ANAPC16: variants seen among roughly 807,000 people sequenced by gnomAD.
The protein encoded by ANAPC16 is anaphase-promoting complex subunit 16.
In ANAPC16, 6 loss-of-function variants were observed where a neutral mutation model predicts 13.1. The observed-to-expected ratio is 0.46, with a 90% CI of 0.25 to 0.90. The LOEUF is 0.90. Among genes scored for constraint, ANAPC16 ranks in the 40% least tolerant of loss-of-function variants. The pLI is 0.18. For missense variants in ANAPC16, 113 were observed against 131.1 expected, an observed-to-expected ratio of 0.86 and a Z score of 0.67; for synonymous variants, 55 against 51.3, an observed-to-expected ratio of 1.07 and a Z score of -0.31.
At chr10:72,223,082 ATTTTTTTTTTT>A (rs67344471) in intron 1 of ANAPC16, 13 of 86,382 alleles carry the variant, frequency 1.5e-4, no homozygotes, top group African/African-American at 5.8e-4. Context: ...GAAAAGGTTA[ATTTTTTTTTTT>A]TTTTTTTTTT....
intron 3 of ANAPC16, among the ~76,000 whole-genome samples, chr10:72,232,541 TCCCCACCCCCA>T (rs1353603531): frequency 1.5e-5 from 2 of 133,770 alleles, no homozygotes; most frequent in Non-Finnish European, 3.2e-5. Flanking sequence ...AAGACTCCAT[TCCCCACCCCCA>T]CCCCACCCCC....
chr10:72,229,929 TC>T (rs879686847), intron 2 of ANAPC16, among the ~76,000 whole-genome samples: 1 of 152,242 alleles, frequency 6.6e-6, no homozygotes, highest in Non-Finnish European at 1.5e-5. Context: ...AACAATTTTT[TC>T]CTCAGCTTTG....
At chr10:72,224,694 C>A (rs1046469326) in intron 2 of ANAPC16, among the ~76,000 whole-genome samples, 1 of 151,420 alleles carries the variant, frequency 6.6e-6, no homozygotes, top group African/African-American at 2.4e-5. Flanking sequence ...ATCCTGGCAC[C>A]TGTCTACCTC....
chr10:72,226,854 GA>G (rs759597474), intron 2 of ANAPC16, among the ~76,000 whole-genome samples: 6 of 152,206 alleles, frequency 3.9e-5, no homozygotes, highest in Middle Eastern at 3.4e-3. Flanking sequence ...TGAGGTAGAT[GA>G]CCAGGTAGCA....
intron 2 of ANAPC16, among the ~76,000 whole-genome samples, chr10:72,228,499 AT>A (rs1473182266): frequency 6.6e-6 from 1 of 152,136 alleles, no homozygotes; most frequent in Non-Finnish European, 1.5e-5. Flanking sequence ...GATTTGGGTA[AT>A]TTACTAAACT....
intron 1 of ANAPC16, among the ~76,000 whole-genome samples, chr10:72,218,156 AAAAAAAAAAATATATATATAT>A (rs1859664811): frequency 1.2e-4 from 6 of 51,018 alleles, no homozygotes; most frequent in Non-Finnish European, 1.8e-4. Flanking sequence ...AAAAAAAAAA[AAAAAAAAAAATATATATATAT>A]ATATATATAT....
intron 2 of ANAPC16, among the ~76,000 whole-genome samples, chr10:72,225,566 A>C (rs1347659248): frequency 6.6e-6 from 1 of 152,126 alleles, no homozygotes; most frequent in Non-Finnish European, 1.5e-5. Flanking sequence ...TGGGTGACAG[A>C]ATGAGACTCT....
At chr10:72,230,951 C>G (rs1345887496) in intron 3 of ANAPC16, among the ~76,000 whole-genome samples, 1 of 152,154 alleles carries the variant, frequency 6.6e-6, no homozygotes, top group African/African-American at 2.4e-5. Context: ...TTACTTTTTC[C>G]TCTCCTGTCT....
Position 72,224,028 on chromosome 10 carries a change from C to T in ANAPC16, c.114C>T (p.Tyr38=). 1.2e-6 allele frequency: 2 copies of T among 1,610,462 alleles called. 1 individual carries two copies. Among genetic ancestry groups the T allele is most frequent in the South Asian group, 2.2e-5 (2 of 90,870 alleles). ...LAPPRKALFT[Y]PKGAGEMLED... Reference sequence around the variant, plus strand: ...CACCACGGAAAGCCCTTTTCACCTACCCCAAAGGAGCTGGAGAGATGTTAG... The same window carrying T: ...CACCACGGAAAGCCCTTTTCACCTATCCCAAAGGAGCTGGAGAGATGTTAG... Residue 38 remains tyrosine (Y), a synonymous_variant, in exon 2 of 4, where the codon TAC becomes TAT. Coordinates refer to ENST00000299381, the MANE Select transcript of ANAPC16 (RefSeq NM_173473.4).
chr10:72,228,598 T>C (rs1406017246), intron 2 of ANAPC16, among the ~76,000 whole-genome samples: 1 of 152,218 alleles, frequency 6.6e-6, no homozygotes, highest in African/African-American at 2.4e-5. Flanking sequence ...GATTACAGTT[T>C]CTAAATGGAA....
At chr10:72,220,212 C>T (rs1859852265) in intron 1 of ANAPC16, 1 of 151,530 alleles carries the variant, frequency 6.6e-6, no homozygotes, top group African/African-American at 2.4e-5. Context: ...GCCTGTAATC[C>T]CAGCTACTCG....
chr10:72,222,763 G>A (rs1025910598), intron 1 of ANAPC16, among the ~76,000 whole-genome samples: 9 of 152,236 alleles, frequency 5.9e-5, no homozygotes, highest in Non-Finnish European at 1.0e-4. Context: ...GGCGACAAGA[G>A]CGAGACTCCG....
At chr10:72,221,689 G>C (rs1237422902) in intron 1 of ANAPC16, among the ~76,000 whole-genome samples, 1 of 147,250 alleles carries the variant, frequency 6.8e-6, no homozygotes, top group Admixed American at 6.8e-5. Flanking sequence ...CTCCTGAGTA[G>C]CTGAGACTAC....
chr10:72,232,729 G>A (rs1279240121), intron 3 of ANAPC16, among the ~76,000 whole-genome samples: 4 of 150,668 alleles, frequency 2.7e-5, no homozygotes, highest in Non-Finnish European at 4.4e-5. Flanking sequence ...TCAGCCTCCC[G>A]AGTAGCTGGG....
intron 1 of ANAPC16, among the ~76,000 whole-genome samples, chr10:72,216,536 G>A (rs1381504418): frequency 6.9e-6 from 1 of 144,524 alleles, no homozygotes; most frequent in Admixed American, 7.5e-5. Context: ...TTGTAATCCA[G>A]CTGTTTTGAA....
chr10:72,229,117 A>G (rs890617534), intron 2 of ANAPC16, among the ~76,000 whole-genome samples: 7 of 151,676 alleles, frequency 4.6e-5, no homozygotes, highest in African/African-American at 7.3e-5. Context: ...CTGACATTCA[A>G]ACCCCTTTTT....
chr10:72,223,836 T>G, intron 1 of ANAPC16, 52 bp from the exon 2 acceptor site: 1 of 1,346,426 alleles, frequency 7.4e-7, no homozygotes, highest in Non-Finnish European at 1.0e-6. Flanking sequence ...AATGAAATGT[T>G]GTCACTCTCA....
intron 1 of ANAPC16, chr10:72,217,133 A>G (rs1355629494): frequency 1.1e-5 from 5 of 443,578 alleles, no homozygotes; most frequent in Non-Finnish European, 1.8e-5. Context: ...GAGGGTAGAA[A>G]GACTTTTCGA....
At chr10:72,216,890 G>T in intron 1 of ANAPC16, 2 of 456,214 alleles carry the variant, frequency 4.4e-6, no homozygotes, top group Non-Finnish European at 8.8e-6. Context: ...GGGCACCTCC[G>T]GTGGGCCTGG....
Sources: gnomAD v4.1 joint callset for allele counts (sites outside exome capture counted in the v4.1 genomes callset) on GRCh38, gnomAD v4.1.1 for gene constraint, MANE v1.5 for transcripts, NCBI Gene and HGNC (gene_info 2026-07-23, HGNC 2026-07-21) for gene names.